CFAP299: variants seen among roughly 807,000 people sequenced by gnomAD.
CFAP299 encodes cilia- and flagella-associated protein 299.
Under a neutral mutation model 27.0 loss-of-function variants are expected in CFAP299, and 21 were observed. The ratio of observed to expected loss-of-function variants is 0.78; its 90% CI spans 0.55 to 1.12. CFAP299 has a LOEUF of 1.12. Among genes scored for constraint, CFAP299 ranks in the 50% most tolerant of loss-of-function variants. The pLI is 0.00. For missense variants in CFAP299, 310 were observed against 276.6 expected (o/e 1.12, Z -0.86); for synonymous variants, 104 against 98.1 (o/e 1.06, Z -0.36).
intron 4 of CFAP299, among the ~76,000 whole-genome samples, chr4:80,913,066 G>T (rs576250678): frequency 6.6e-6 from 1 of 152,026 alleles, no homozygotes; most frequent in Non-Finnish European, 1.5e-5. Flanking sequence ...TTTTATAAAG[G>T]CACCTCCAAA....
intron 2 of CFAP299, among the ~76,000 whole-genome samples, chr4:80,514,895 A>G (rs969483725): frequency 6.6e-6 from 1 of 152,104 alleles, no homozygotes; most frequent in African/African-American, 2.4e-5. Flanking sequence ...TAAAAGACTA[A>G]TCTGTCTTAT....
chr4:80,451,928 T>C (rs1213273890), intron 2 of CFAP299, among the ~76,000 whole-genome samples: 1 of 152,216 alleles, frequency 6.6e-6, no homozygotes, highest in Non-Finnish European at 1.5e-5. Context: ...GGTCCTATAG[T>C]AAACACTAGG....
intron 2 of CFAP299, among the ~76,000 whole-genome samples, chr4:80,434,034 CTGTTA>C (rs1727948124): frequency 6.6e-6 from 1 of 152,034 alleles, no homozygotes; most frequent in Admixed American, 6.6e-5. Flanking sequence ...TACCAAATGC[CTGTTA>C]TGTATCAGGC....
intron 2 of CFAP299, among the ~76,000 whole-genome samples, chr4:80,442,861 C>CA (rs1028829510): frequency 9.2e-5 from 14 of 152,058 alleles, no homozygotes; most frequent in Non-Finnish European, 5.9e-5. Flanking sequence ...GGGAGATCAC[C>CA]ACTGATCCAC....
rs555689509 is a variant in CFAP299 at position 80,514,436 on chromosome 4, G to A, written c.243-68657G>A. 3.0e-4 allele frequency among the ~76,000 whole-genome samples: 45 copies of A among 152,082 alleles called. No homozygotes were observed. In the South Asian group the frequency reaches 7.7e-3, roughly 26 times the overall value. ...ATGGGAAAAGAGAAGGCCAAAAAAC[G>A]CGTATATCTTAAAATAGTTTTAAAA... is the stretch of plus-strand genomic sequence containing the variant. On this transcript the variant is annotated intron_variant, in intron 2 of 5. Coordinates refer to ENST00000358105, the MANE Select transcript of CFAP299 (RefSeq NM_152770.3).
chr4:80,936,894 G>A (rs997858438), intron 4 of CFAP299, among the ~76,000 whole-genome samples: 2 of 152,112 alleles, frequency 1.3e-5, no homozygotes, highest in African/African-American at 2.4e-5. Flanking sequence ...GTGTCCTTGA[G>A]ATGAATGTAT....
At chr4:80,944,518 C>G (rs930818154) in intron 4 of CFAP299, among the ~76,000 whole-genome samples, 3 of 152,174 alleles carry the variant, frequency 2.0e-5, no homozygotes, top group African/African-American at 7.2e-5. Context: ...TAAATTGCAT[C>G]AATTTTCATC....
At chr4:80,529,219 C>T (rs1733338746) in intron 2 of CFAP299, among the ~76,000 whole-genome samples, 1 of 152,134 alleles carries the variant, frequency 6.6e-6, no homozygotes. Context: ...CTCTTACATC[C>T]AGTCCTTTCC....
At chr4:80,576,541 T>G (rs1041996857) in intron 2 of CFAP299, among the ~76,000 whole-genome samples, 86 of 152,270 alleles carry the variant, frequency 5.6e-4, no homozygotes, top group African/African-American at 1.9e-3. Context: ...TTAAATTATT[T>G]GGGACCATGC....
chr4:80,639,325 C>G (rs1361570245), intron 3 of CFAP299, among the ~76,000 whole-genome samples: 1 of 152,162 alleles, frequency 6.6e-6, no homozygotes, highest in Non-Finnish European at 1.5e-5. Flanking sequence ...AGTGTCCGCT[C>G]TTCACCTCAC....
At chr4:80,430,046 T>G (rs1329484941) in intron 2 of CFAP299, among the ~76,000 whole-genome samples, 1 of 152,190 alleles carries the variant, frequency 6.6e-6, no homozygotes, top group African/African-American at 2.4e-5. Context: ...TTCTACATTT[T>G]TAAATCTAAT....
intron 2 of CFAP299, among the ~76,000 whole-genome samples, chr4:80,440,751 C>G (rs1728320192): frequency 6.6e-6 from 1 of 152,112 alleles, no homozygotes; most frequent in South Asian, 2.1e-4. Flanking sequence ...TGGGTAATAA[C>G]AAACTCCTCC....
At chr4:80,937,561 T>G (rs1462121664) in intron 4 of CFAP299, among the ~76,000 whole-genome samples, 3 of 152,018 alleles carry the variant, frequency 2.0e-5, no homozygotes, top group African/African-American at 7.2e-5. Context: ...GCTCAAATGA[T>G]CTGCCCACCT....
chr4:80,468,284 C>G (rs941499220), intron 2 of CFAP299, among the ~76,000 whole-genome samples: 2 of 150,934 alleles, frequency 1.3e-5, no homozygotes, highest in African/African-American at 2.4e-5. Flanking sequence ...CACTGGCTGG[C>G]CTGACCTCGG....
intron 2 of CFAP299, among the ~76,000 whole-genome samples, chr4:80,488,468 A>G (rs1471378988): frequency 1.3e-5 from 2 of 149,512 alleles, no homozygotes; most frequent in Admixed American, 1.3e-4. Flanking sequence ...ATAGCATGGT[A>G]AACACCTTTT....
At chr4:80,704,163 A>G (rs1721683137) in intron 3 of CFAP299, among the ~76,000 whole-genome samples, 1 of 151,662 alleles carries the variant, frequency 6.6e-6, no homozygotes, top group Non-Finnish European at 1.5e-5. Flanking sequence ...GTGGGTGTGT[A>G]TTTAGAATCC....
At chr4:80,490,868 AC>A (rs1202969708) in intron 2 of CFAP299, among the ~76,000 whole-genome samples, 3 of 152,136 alleles carry the variant, frequency 2.0e-5, no homozygotes, top group African/African-American at 7.2e-5. Context: ...GACATAATTC[AC>A]CTATTACTTT....
At chr4:80,743,119 TC>T (rs1355293540) in intron 3 of CFAP299, among the ~76,000 whole-genome samples, 1 of 152,068 alleles carries the variant, frequency 6.6e-6, no homozygotes, top group Non-Finnish European at 1.5e-5. Flanking sequence ...TAGACCGGGC[TC>T]CGTGGCTCAT....
At chr4:80,542,153 A>C (rs1734025413) in intron 2 of CFAP299, among the ~76,000 whole-genome samples, 1 of 152,166 alleles carries the variant, frequency 6.6e-6, no homozygotes, top group African/African-American at 2.4e-5. Flanking sequence ...GACTTGCACC[A>C]GCAGCCTCCC....
Sources: allele counts gnomAD v4.1 joint callset (sites outside exome capture counted in the v4.1 genomes callset), GRCh38; gene constraint gnomAD v4.1.1; transcripts MANE v1.5; gene names NCBI Gene and HGNC (gene_info 2026-07-23, HGNC 2026-07-21).